The following MARCHF1 variants were observed in gnomAD, a reference collection of about 807,000 sequenced individuals.
MARCHF1 encodes E3 ubiquitin-protein ligase MARCHF1.
A neutral mutation model predicts 54.2 loss-of-function variants in MARCHF1; 40 were observed. That is an observed-to-expected ratio of 0.74 (90% confidence interval 0.57 to 0.96). MARCHF1 has a LOEUF of 0.96. MARCHF1 is among the 40% of genes least tolerant of loss of function. MARCHF1 has a pLI of 0.00. For synonymous variants in MARCHF1, 236 were observed against 236.3 expected (o/e 1.00, Z 0.01); for missense variants, 586 against 656.5 (o/e 0.89, Z 1.17).
At chr4:163,692,299 T>C (rs1008775466) in intron 5 of MARCHF1, among the ~76,000 whole-genome samples, 2 of 152,154 alleles carry the variant, frequency 1.3e-5, no homozygotes, top group African/African-American at 4.8e-5. Flanking sequence ...AAAAAATATA[T>C]AATACTGCAG....
intron 8 of MARCHF1, among the ~76,000 whole-genome samples, chr4:163,569,202 A>G (rs533586533): frequency 1.3e-5 from 2 of 152,242 alleles, no homozygotes; most frequent in African/African-American, 2.4e-5. Context: ...TAAAACCTGG[A>G]TGGCTTCAAT....
chr4:164,305,844 C>T (rs746028388), intron 1 of MARCHF1, among the ~76,000 whole-genome samples: 2 of 151,916 alleles, frequency 1.3e-5, no homozygotes, highest in Admixed American at 6.6e-5. Context: ...ACACATTGTA[C>T]GCATGTATTG....
At chr4:163,909,909 C>T (rs1481722703) in intron 3 of MARCHF1, among the ~76,000 whole-genome samples, 2 of 152,144 alleles carry the variant, frequency 1.3e-5, no homozygotes, top group Non-Finnish European at 2.9e-5. Context: ...ACAATCAGTA[C>T]ATTGAGAAAA....
At chr4:164,244,714 G>A (rs1200302420) in intron 1 of MARCHF1, among the ~76,000 whole-genome samples, 2 of 151,314 alleles carry the variant, frequency 1.3e-5, no homozygotes, top group Non-Finnish European at 2.9e-5. Flanking sequence ...CTGCTAGCAA[G>A]ACAAATAAAG....
At chr4:163,580,798 G>GTTTT (rs539868861) in intron 8 of MARCHF1, among the ~76,000 whole-genome samples, 4 of 105,332 alleles carry the variant, frequency 3.8e-5, no homozygotes, top group Admixed American at 1.0e-4. Flanking sequence ...AAGTATTAAA[G>GTTTT]TTTTTTTTTT....
intron 1 of MARCHF1, among the ~76,000 whole-genome samples, chr4:164,269,928 G>A (rs1024142193): frequency 5.9e-5 from 9 of 152,008 alleles, no homozygotes; most frequent in African/African-American, 1.9e-4. Context: ...TGTTCCCTCT[G>A]CTTCTGCCAT....
At chr4:163,744,459 G>A (rs1419226713) in intron 4 of MARCHF1, among the ~76,000 whole-genome samples, 1 of 152,116 alleles carries the variant, frequency 6.6e-6, no homozygotes, top group Admixed American at 6.5e-5. Flanking sequence ...GAATAAGTCT[G>A]TATTTTTGAG....
At chr4:164,172,475 T>C (rs1004808741) in intron 1 of MARCHF1, among the ~76,000 whole-genome samples, 1 of 152,092 alleles carries the variant, frequency 6.6e-6, no homozygotes, top group African/African-American at 2.4e-5. Context: ...TCTTTGCAAG[T>C]TACAAGTTAT....
At chr4:164,363,994 T>G (rs887145779) in intron 1 of MARCHF1, among the ~76,000 whole-genome samples, 13 of 152,242 alleles carry the variant, frequency 8.5e-5, no homozygotes, top group Non-Finnish European at 1.6e-4. Context: ...ATTTTCCTTT[T>G]GTAACATTAA....
intron 1 of MARCHF1, among the ~76,000 whole-genome samples, chr4:164,128,079 G>A (rs1267482083): frequency 6.6e-6 from 1 of 152,164 alleles, no homozygotes; most frequent in Non-Finnish European, 1.5e-5. Flanking sequence ...AAACAAAAAT[G>A]TGAGGATAAA....
chr4:163,633,715 G>C (rs1357720065), intron 5 of MARCHF1, among the ~76,000 whole-genome samples: 1 of 152,256 alleles, frequency 6.6e-6, no homozygotes, highest in Admixed American at 6.5e-5. Flanking sequence ...AGCAAGGCAG[G>C]ACAACATTCA....
intron 3 of MARCHF1, among the ~76,000 whole-genome samples, chr4:163,981,159 T>A (rs1282558661): frequency 1.3e-5 from 2 of 152,192 alleles, no homozygotes; most frequent in Non-Finnish European, 2.9e-5. Flanking sequence ...TTTTTTTTTT[T>A]TCCTAAGAAA....
At chr4:164,126,206 G>A (rs956123863) in intron 1 of MARCHF1, among the ~76,000 whole-genome samples, 3 of 152,146 alleles carry the variant, frequency 2.0e-5, no homozygotes, top group African/African-American at 4.8e-5. Context: ...GAGACATTTA[G>A]GAGGTTATTG....
intron 1 of MARCHF1, among the ~76,000 whole-genome samples, chr4:164,140,040 T>A (rs574648778): frequency 3.3e-5 from 5 of 152,156 alleles, no homozygotes; most frequent in African/African-American, 1.2e-4. Flanking sequence ...AGTTAACAAA[T>A]TAAGACCTCC....
At chr4:163,819,000 T>C (rs781595770) in intron 4 of MARCHF1, among the ~76,000 whole-genome samples, 3 of 152,116 alleles carry the variant, frequency 2.0e-5, no homozygotes, top group Non-Finnish European at 4.4e-5. Flanking sequence ...CCATGCTATT[T>C]ATCTGTCCAA....
At chr4:164,265,724 C>T (rs1399551573) in intron 1 of MARCHF1, among the ~76,000 whole-genome samples, 1 of 151,988 alleles carries the variant, frequency 6.6e-6, no homozygotes, top group Non-Finnish European at 1.5e-5. Context: ...GCCACTCTGA[C>T]ATTTTTTAGT....
intron 2 of MARCHF1, among the ~76,000 whole-genome samples, chr4:164,110,575 T>C (rs568187599): frequency 6.6e-6 from 1 of 151,902 alleles, no homozygotes; most frequent in African/African-American, 2.4e-5. Flanking sequence ...TGAAGGGCAC[T>C]TGTAATGACT....
intron 1 of MARCHF1, chr4:164,197,585 C>T (rs754868740): frequency 6.2e-7 from 1 of 1,613,234 alleles, no homozygotes; most frequent in South Asian, 1.1e-5. Flanking sequence ...AATTCCAGTT[C>T]TTCAAATTCA....
At chr4:164,197,317 A>C in intron 1 of MARCHF1, 1 of 1,612,196 alleles carries the variant, frequency 6.2e-7, no homozygotes, top group Non-Finnish European at 8.5e-7. Context: ...GAGAAGCTTG[A>C]ACACGTTTTC....
Sources: gnomAD v4.1 joint callset for allele counts (sites outside exome capture counted in the v4.1 genomes callset) on GRCh38, gnomAD v4.1.1 for gene constraint, MANE v1.5 for transcripts, NCBI Gene and HGNC (gene_info 2026-07-23, HGNC 2026-07-21) for gene names.